SLC1A3: variants seen among roughly 807,000 people sequenced by gnomAD.
The protein encoded by SLC1A3 is excitatory amino acid transporter 1.
SLC1A3 carries 21 observed loss-of-function variants against 48.1 expected under a neutral mutation model. The observed-to-expected ratio is 0.44, with a 90% CI of 0.31 to 0.63. The LOEUF is 0.63. SLC1A3 is among the 20% of genes least tolerant of loss of function. The probability of loss-of-function intolerance (pLI) is 0.08; values close to 1 mark genes in which losing one functional copy is unlikely to be tolerated. For synonymous variants in SLC1A3, 239 were observed against 251.4 expected (o/e 0.95, Z 0.47); for missense variants, 546 against 689.0 (o/e 0.79, Z 2.32).
chr5:36,631,161 G>T (rs982965751), intron 3 of SLC1A3, among the ~76,000 whole-genome samples: 1 of 152,070 alleles, frequency 6.6e-6, no homozygotes, highest in African/African-American at 2.4e-5. Flanking sequence ...CAAACCGAGG[G>T]GTTCTGGATC....
rs184154991 is a variant in SLC1A3 at position 36,623,206 on chromosome 5, C to A, written c.182-6244C>A. Among the ~76,000 whole-genome samples, 27 of 152,138 alleles carry A rather than the reference C, an allele frequency of 1.8e-4. No individual in the cohort carries two copies. The East Asian group carries it at 2.1e-3, about 12-fold the overall frequency. ...TTCTAGTCAATATATTTTCTAGATT[C>A]TAGAAATCTTGTTAAAATACTAACA... is the stretch of plus-strand genomic sequence containing the variant. On this transcript the variant is annotated intron_variant, in intron 2 of 9. Coordinates refer to ENST00000265113, the MANE Select transcript of SLC1A3 (RefSeq NM_004172.5).
chr5:36,614,610 C>CTAAGT (rs1739356147), intron 2 of SLC1A3, among the ~76,000 whole-genome samples: 1 of 152,156 alleles, frequency 6.6e-6, no homozygotes, highest in Admixed American at 6.5e-5. Flanking sequence ...ACAGTAGACG[C>CTAAGT]CTCTCTCAGG....
At chr5:36,621,082 T>C (rs1739645823) in intron 2 of SLC1A3, among the ~76,000 whole-genome samples, 1 of 152,034 alleles carries the variant, frequency 6.6e-6, no homozygotes, top group African/African-American at 2.4e-5. Flanking sequence ...ATTTTTGTAT[T>C]TTTAGTAGAG....
intron 2 of SLC1A3, among the ~76,000 whole-genome samples, chr5:36,615,788 T>C (rs1739405813): frequency 6.6e-6 from 1 of 152,240 alleles, no homozygotes. Flanking sequence ...TAGGATACTA[T>C]CATTCATCAA....
chr5:36,637,523 G>T (rs972309266), intron 3 of SLC1A3, among the ~76,000 whole-genome samples: 7 of 152,144 alleles, frequency 4.6e-5, no homozygotes, highest in African/African-American at 1.7e-4. Context: ...AAAATTTAAA[G>T]AAAAGGTAAA....
intron 2 of SLC1A3, among the ~76,000 whole-genome samples, chr5:36,610,322 C>T (rs1234340135): frequency 6.6e-6 from 1 of 152,176 alleles, no homozygotes; most frequent in Admixed American, 6.5e-5. Flanking sequence ...CATGATTTAC[C>T]CGGTTACCTC....
intron 3 of SLC1A3, chr5:36,668,369 T>C (rs1235819767): frequency 6.6e-6 from 1 of 152,248 alleles, no homozygotes; most frequent in East Asian, 1.9e-4. Context: ...AAGGCCATTG[T>C]GTGTGAACAG....
At chr5:36,605,797 C>T (rs1156289592), upstream of SLC1A3, among the ~76,000 whole-genome samples, 2 of 152,106 alleles carry the variant, frequency 1.3e-5, no homozygotes, top group African/African-American at 4.8e-5. Context: ...GTTACCTTCT[C>T]AAGGCAATGA....
At chr5:36,681,952 A>G (rs1344471195) in intron 8 of SLC1A3, among the ~76,000 whole-genome samples, 1 of 152,156 alleles carries the variant, frequency 6.6e-6, no homozygotes, top group East Asian at 1.9e-4. Context: ...TATACCAACC[A>G]TCCTCTACCA....
At chr5:36,648,449 A>C (rs964852465) in intron 3 of SLC1A3, among the ~76,000 whole-genome samples, 2 of 152,210 alleles carry the variant, frequency 1.3e-5, no homozygotes, top group African/African-American at 4.8e-5. Flanking sequence ...TACAACTTAA[A>C]AATGCATTCT....
intron 3 of SLC1A3, among the ~76,000 whole-genome samples, chr5:36,643,572 G>A (rs1478547984): frequency 6.6e-6 from 1 of 152,024 alleles, no homozygotes; most frequent in African/African-American, 2.4e-5. Context: ...TTGTAAAAAC[G>A]CTGGGCACTA....
intron 2 of SLC1A3, among the ~76,000 whole-genome samples, chr5:36,624,776 A>T (rs997219538): frequency 2.0e-5 from 3 of 152,090 alleles, no homozygotes; most frequent in Non-Finnish European, 2.9e-5. Context: ...AATAAGCTTT[A>T]TATAAGTTTT....
At chr5:36,647,045 C>T (rs1206905564) in intron 3 of SLC1A3, among the ~76,000 whole-genome samples, 2 of 152,114 alleles carry the variant, frequency 1.3e-5, no homozygotes, top group African/African-American at 4.8e-5. Flanking sequence ...TCATCGAAAC[C>T]ACCTCTATTC....
chr5:36,662,671 C>G (rs1741565007), intron 3 of SLC1A3, among the ~76,000 whole-genome samples: 1 of 152,196 alleles, frequency 6.6e-6, no homozygotes, highest in African/African-American at 2.4e-5. Context: ...GGGCTCGCGC[C>G]GGCAGCTGTG....
intron 3 of SLC1A3, among the ~76,000 whole-genome samples, chr5:36,646,638 T>G (rs929951587): frequency 6.6e-6 from 1 of 152,114 alleles, no homozygotes; most frequent in Non-Finnish European, 1.5e-5. Context: ...GTCCTCAGTG[T>G]GTGTTAGAGA....
rs773011777 is a variant in SLC1A3, at chr5:36,680,390, C to T, written c.1095-5C>T. The T allele has an allele frequency of 6.2e-7, 1 of 1,613,724 alleles. No individual in the cohort carries two copies. The highest frequency in any genetic ancestry group is 8.5e-7 in the Non-Finnish European group (1 of 1,179,660). ...AGCTGATGTGCCCTATTTCACTGTT[C>T]TCAGTTCTGCCACCCTACCCATCAC... On this transcript the variant is annotated splice_region_variant and splice_polypyrimidine_tract_variant and intron_variant, in intron 7 of 9. Coordinates refer to ENST00000265113, the MANE Select transcript of SLC1A3 (RefSeq NM_004172.5).
upstream of SLC1A3, among the ~76,000 whole-genome samples, chr5:36,603,804 C>T (rs1034445745): frequency 3.3e-5 from 5 of 152,084 alleles, no homozygotes; most frequent in Non-Finnish European, 5.9e-5. Flanking sequence ...CATGATGATC[C>T]TAAAATGCAA....
intron 1 of SLC1A3, among the ~76,000 whole-genome samples, chr5:36,599,907 C>A (rs1252041940): frequency 6.6e-6 from 1 of 152,006 alleles, no homozygotes; most frequent in Non-Finnish European, 1.5e-5. Flanking sequence ...CCGCAACCTC[C>A]GACTCCTGGG....
intron 8 of SLC1A3, among the ~76,000 whole-genome samples, chr5:36,683,636 A>C (rs1266541895): frequency 1.3e-5 from 2 of 151,914 alleles, no homozygotes; most frequent in African/African-American, 4.8e-5. Flanking sequence ...TGAACCCAGG[A>C]GGAAGAGGTT....
Sources: gnomAD v4.1 joint callset for allele counts (sites outside exome capture counted in the v4.1 genomes callset) on GRCh38, gnomAD v4.1.1 for gene constraint, MANE v1.5 for transcripts, NCBI Gene and HGNC (gene_info 2026-07-23, HGNC 2026-07-21) for gene names.